PRMT8: variants seen among roughly 807,000 people sequenced by gnomAD.
PRMT8 encodes the protein protein arginine methyltransferase 8, also known as protein arginine N-methyltransferase 8.
In PRMT8, 7 loss-of-function variants were observed where a neutral mutation model predicts 47.1. The ratio of observed to expected loss-of-function variants is 0.15; its 90% confidence interval spans 0.08 to 0.28. The LOEUF is 0.28. Among genes scored for constraint, PRMT8 ranks in the 10% least tolerant of loss-of-function variants. PRMT8 has a pLI of 1.00. For missense variants in PRMT8, 237 were observed against 505.4 expected, an observed-to-expected ratio of 0.47 and a Z score of 5.09; for synonymous variants, 188 against 186.5, an observed-to-expected ratio of 1.01 and a Z score of -0.07.
chr12:3,582,102 C>T (rs1400512495), intron 7 of PRMT8, among the ~76,000 whole-genome samples: 1 of 152,210 alleles, frequency 6.6e-6, no homozygotes, highest in Non-Finnish European at 1.5e-5. Context: ...GCTGCGCAAC[C>T]TTGACTAATG....
chr12:3,571,315 G>A (rs1866840841), intron 6 of PRMT8, among the ~76,000 whole-genome samples: 1 of 152,216 alleles, frequency 6.6e-6, no homozygotes, highest in African/African-American at 2.4e-5. Flanking sequence ...TTTTGCCCTG[G>A]AGCTGCATTT....
intron 1 of PRMT8, among the ~76,000 whole-genome samples, chr12:3,458,829 A>G (rs1263481642): frequency 1.3e-5 from 2 of 152,180 alleles, no homozygotes; most frequent in African/African-American, 4.8e-5. Context: ...GAGGGCTGTC[A>G]CTAAGCCCCT....
intron 1 of PRMT8, among the ~76,000 whole-genome samples, chr12:3,498,127 C>T (rs555090642): frequency 7.9e-5 from 12 of 152,132 alleles, no homozygotes; most frequent in Middle Eastern, 3.2e-3. Flanking sequence ...TTAAAATGCT[C>T]GCTTATTACA....
Position 3,461,755 on chromosome 12 carries a change from T to G in PRMT8, c.49-78851T>G, listed in dbSNP as rs748817675. ...CAGTGTTAACCTAAAAGGAAGAGGC[T>G]GAGACACAAAGTATAATTTAAAGAG... is the stretch of plus-strand genomic sequence containing the variant. On this transcript the variant is annotated intron_variant, in intron 1 of 9. Transcript: ENST00000452611. Among the ~76,000 whole-genome samples the G allele has an allele frequency of 3.3e-5, 5 of 152,090 alleles. 1 individual carries two copies. Among genetic ancestry groups the G allele is most frequent in the African/African-American group, 4.8e-5 (2 of 41,328 alleles).
In PRMT8 at chr12:3,409,107, G is replaced by A. The variant is rs1301212910; in HGVS notation, c.48+27665G>A. The stretch of plus-strand genomic sequence containing the variant: ...CCCAGGCTCTCACAAACCTACTGTG[G>A]CACCTGGGACTTGGGGTGAAGGTTC... On this transcript the variant is annotated intron_variant, in intron 1 of 9. Transcript: ENST00000452611. The surrounding 1 kb of genome is among the most constrained non-coding windows in gnomAD (Gnocchi z 4.4). 6.6e-6 allele frequency among the ~76,000 whole-genome samples: 1 copy of A among 152,118 alleles called. No homozygotes were observed. Among genetic ancestry groups the A allele is most frequent in the African/African-American group, 2.4e-5 (1 of 41,412 alleles).
intron 4 of PRMT8, among the ~76,000 whole-genome samples, chr12:3,561,249 G>A (rs145269500): frequency 2.0e-5 from 3 of 152,322 alleles, no homozygotes; most frequent in Non-Finnish European, 4.4e-5. Flanking sequence ...GAGGGGCCCA[G>A]ATGCTGCACT....
intron 1 of PRMT8, among the ~76,000 whole-genome samples, chr12:3,472,050 G>T (rs1455812838): frequency 6.6e-6 from 1 of 152,156 alleles, no homozygotes; most frequent in Non-Finnish European, 1.5e-5. Context: ...GATTCCCAAG[G>T]CTTCTACAGA....
At chr12:3,421,578 C>T (rs1386768991) in intron 1 of PRMT8, among the ~76,000 whole-genome samples, 1 of 152,186 alleles carries the variant, frequency 6.6e-6, no homozygotes, top group African/African-American at 2.4e-5. Context: ...TCCCATTACC[C>T]AAATGCTGTT....
chr12:3,440,167 A>G (rs1864783890), intron 1 of PRMT8, among the ~76,000 whole-genome samples: 1 of 152,246 alleles, frequency 6.6e-6, no homozygotes, highest in Admixed American at 6.5e-5. Flanking sequence ...TATCTTTTAA[A>G]AAACCTATCT....
chr12:3,575,079 C>T (rs562991050), intron 6 of PRMT8, among the ~76,000 whole-genome samples: 2 of 152,158 alleles, frequency 1.3e-5, no homozygotes, highest in Non-Finnish European at 2.9e-5. Flanking sequence ...GCACCAGCCT[C>T]GGGTGATTTA....
intron 1 of PRMT8, among the ~76,000 whole-genome samples, chr12:3,416,548 T>C (rs1348626035): frequency 1.3e-5 from 2 of 152,114 alleles, no homozygotes; most frequent in Admixed American, 1.3e-4. Flanking sequence ...TGGTGGGCTG[T>C]TGGAAAGAAA....
intron 1 of PRMT8, among the ~76,000 whole-genome samples, chr12:3,393,109 A>G (rs1864212060): frequency 6.6e-6 from 1 of 152,130 alleles, no homozygotes; most frequent in Non-Finnish European, 1.5e-5. Context: ...GATTCTGGAT[A>G]TTAGCCATTT....
chr12:3,558,472 A>G (rs983924532), intron 4 of PRMT8, among the ~76,000 whole-genome samples: 4 of 152,284 alleles, frequency 2.6e-5, no homozygotes, highest in Admixed American at 1.3e-4. Flanking sequence ...CGTCATCATT[A>G]CCTAATGCCC....
chr12:3,472,882 A>C (rs970406713), intron 1 of PRMT8, among the ~76,000 whole-genome samples: 1 of 152,106 alleles, frequency 6.6e-6, no homozygotes, highest in Non-Finnish European at 1.5e-5. Flanking sequence ...GTGTTCCAGA[A>C]GCCAGGTCTT....
At chr12:3,537,792 A>T (rs1866144566) in intron 1 of PRMT8, among the ~76,000 whole-genome samples, 2 of 152,138 alleles carry the variant, frequency 1.3e-5, no homozygotes, top group South Asian at 4.1e-4. Flanking sequence ...AGCCCCTCGG[A>T]CACCCCAGTA....
chr12:3,424,394 G>A (rs1294812128), intron 1 of PRMT8, among the ~76,000 whole-genome samples: 1 of 152,152 alleles, frequency 6.6e-6, no homozygotes, highest in East Asian at 1.9e-4. Context: ...CGCAAGACCA[G>A]CATCCACATT....
chr12:3,559,250 G>A (rs1419391697), intron 4 of PRMT8, among the ~76,000 whole-genome samples: 1 of 151,898 alleles, frequency 6.6e-6, no homozygotes, highest in African/African-American at 2.4e-5. Context: ...CCCTTTTCCC[G>A]AGCCTTCTTA....
intron 1 of PRMT8, among the ~76,000 whole-genome samples, chr12:3,396,667 T>C (rs1449568669): frequency 1.3e-5 from 2 of 151,156 alleles, no homozygotes; most frequent in Non-Finnish European, 3.0e-5. Flanking sequence ...ATTTCAACTT[T>C]GGTGAATCTG....
chr12:3,465,249 AAT>A (rs1865086239), intron 1 of PRMT8, among the ~76,000 whole-genome samples: 1 of 126,594 alleles, frequency 7.9e-6, no homozygotes, highest in Non-Finnish European at 1.6e-5. Flanking sequence ...TTTTTATATA[AAT>A]ATATTTTATA....
Sources: allele counts gnomAD v4.1 joint callset (sites outside exome capture counted in the v4.1 genomes callset), GRCh38; gene constraint gnomAD v4.1.1; non-coding constraint Gnocchi (gnomAD v3.1); transcripts MANE v1.5; gene names NCBI Gene and HGNC (gene_info 2026-07-23, HGNC 2026-07-21).